The following LRRC4C variants were observed in gnomAD, a reference collection of about 807,000 sequenced individuals.
The protein encoded by LRRC4C is leucine-rich repeat-containing protein 4C.
In LRRC4C, 5 loss-of-function variants were observed where a neutral mutation model predicts 33.6. The ratio of observed to expected loss-of-function variants is 0.15; its 90% CI spans 0.08 to 0.31. The LOEUF (loss-of-function observed/expected upper bound fraction) is 0.31. Among genes scored for constraint, LRRC4C ranks in the 10% least tolerant of loss-of-function variants. The pLI is 1.00. For synonymous variants in LRRC4C, 329 were observed against 302.0 expected (o/e 1.09, Z -0.93); for missense variants, 560 against 796.7 (o/e 0.70, Z 3.58).
chr11:40,551,083 A>G (rs916147834), intron 3 of LRRC4C, among the ~76,000 whole-genome samples: 3 of 152,114 alleles, frequency 2.0e-5, no homozygotes, highest in Admixed American at 1.3e-4. Flanking sequence ...CCTTCAATCT[A>G]TCTCAGCCTT....
chr11:40,509,390 A>G (rs550139991), intron 3 of LRRC4C, among the ~76,000 whole-genome samples: 6 of 152,204 alleles, frequency 3.9e-5, no homozygotes, highest in Admixed American at 6.6e-5. Flanking sequence ...TATCTTCTAC[A>G]TGATTCTCTT....
At position 40,249,325 on chromosome 11, in the gene LRRC4C, G is replaced by A. The variant is rs1276874508; in HGVS notation, c.-175-7727C>T. ...CTGCACTCCAGCCTGGCCAGAGAGT[G>A]AGACTCCATCTCAAAAAAATAAAAA... On this transcript the variant is annotated intron_variant, in intron 4 of 6. Coordinates refer to ENST00000528697, the MANE Select transcript of LRRC4C (RefSeq NM_001258419.2). Among the ~76,000 whole-genome samples the A allele has an allele frequency of 2.6e-5, 4 of 151,986 alleles. No individual in the cohort carries two copies. The South Asian group carries it at 8.3e-4, about 31-fold the overall frequency.
At chr11:40,341,716 C>A (rs1946876553) in intron 3 of LRRC4C, among the ~76,000 whole-genome samples, 1 of 152,136 alleles carries the variant, frequency 6.6e-6, no homozygotes, top group Non-Finnish European at 1.5e-5. Context: ...ATATTAATTT[C>A]TTTGTCTTCT....
chr11:40,372,827 A>G (rs1948507891), intron 3 of LRRC4C, among the ~76,000 whole-genome samples: 2 of 152,152 alleles, frequency 1.3e-5, no homozygotes, highest in South Asian at 4.2e-4. Flanking sequence ...CACATGGTGG[A>G]ATTGAATATC....
At chr11:41,344,369 C>T (rs2922041) in intron 1 of LRRC4C, among the ~76,000 whole-genome samples, 63,436 of 151,484 alleles carry the variant, frequency 0.42, 14,011 homozygotes, top group Non-Finnish European at 0.49. Flanking sequence ...TACAGGCGCC[C>T]GCCACCACGC....
chr11:41,068,080 A>T (rs956316218), intron 1 of LRRC4C, among the ~76,000 whole-genome samples: 2 of 152,162 alleles, frequency 1.3e-5, no homozygotes, highest in Non-Finnish European at 1.5e-5. Context: ...AAGGAGAAAG[A>T]GATATGAAAA....
chr11:41,327,553 G>T (rs1951160079), intron 1 of LRRC4C, among the ~76,000 whole-genome samples: 1 of 152,076 alleles, frequency 6.6e-6, no homozygotes, highest in Non-Finnish European at 1.5e-5. Flanking sequence ...CAAATTATTT[G>T]CTATGCCTCA....
At chr11:40,166,812 T>A (rs1025605193) in intron 5 of LRRC4C, among the ~76,000 whole-genome samples, 1 of 151,992 alleles carries the variant, frequency 6.6e-6, no homozygotes, top group Non-Finnish European at 1.5e-5. Context: ...AATATTGGAG[T>A]GCATTATATA....
intron 2 of LRRC4C, among the ~76,000 whole-genome samples, chr11:40,727,068 G>A (rs991397962): frequency 6.6e-6 from 1 of 152,110 alleles, no homozygotes; most frequent in Admixed American, 6.6e-5. Context: ...TCTACAAGGA[G>A]AACTAGAAAA....
intron 1 of LRRC4C, among the ~76,000 whole-genome samples, chr11:41,253,177 C>T (rs772044579): frequency 9.2e-5 from 14 of 151,978 alleles, no homozygotes; most frequent in Admixed American, 7.2e-4. Context: ...ATTCATTGCC[C>T]CTACTTTTGG....
At chr11:41,240,235 T>C (rs955116209) in intron 1 of LRRC4C, among the ~76,000 whole-genome samples, 5 of 152,206 alleles carry the variant, frequency 3.3e-5, no homozygotes, top group African/African-American at 1.2e-4. Flanking sequence ...TCCAGTTGCC[T>C]GAAGGATGTC....
chr11:40,287,606 T>C (rs533570435), intron 4 of LRRC4C, among the ~76,000 whole-genome samples: 3 of 152,322 alleles, frequency 2.0e-5, no homozygotes, highest in Middle Eastern at 6.8e-3. Flanking sequence ...AAATTAATAT[T>C]TCTCCACAAA....
At chr11:41,267,431 T>A (rs946658446) in intron 1 of LRRC4C, among the ~76,000 whole-genome samples, 4 of 152,142 alleles carry the variant, frequency 2.6e-5, no homozygotes, top group Non-Finnish European at 4.4e-5. Context: ...AACCTGCGTT[T>A]GTTCATCTAA....
intron 2 of LRRC4C, among the ~76,000 whole-genome samples, chr11:40,786,505 G>A (rs77014642): frequency 3.2e-4 from 49 of 152,266 alleles, no homozygotes; most frequent in Middle Eastern, 3.4e-3. Flanking sequence ...CAGCCAATGT[G>A]TAGAAGTCTA....
rs955705241 is a variant in LRRC4C, at chr11:40,895,689, T to G, written c.-407+37946A>C. ...AATATTTTATTCTTTTTCTCTGTTT[T>G]GTGAAAGTGAAATTCATTTGGCCAC... On this transcript the variant is annotated intron_variant, in intron 2 of 6. Coordinates refer to ENST00000528697, the MANE Select transcript of LRRC4C (RefSeq NM_001258419.2). Among the ~76,000 whole-genome samples, 3 of 152,234 alleles carry G rather than the reference T, an allele frequency of 2.0e-5. No individual in the cohort carries two copies. The South Asian group carries it at 6.2e-4, about 31-fold the overall frequency.
At chr11:40,338,458 A>G (rs572280814) in intron 3 of LRRC4C, among the ~76,000 whole-genome samples, 5 of 152,312 alleles carry the variant, frequency 3.3e-5, no homozygotes, top group African/African-American at 1.2e-4. Flanking sequence ...AGGATATTTC[A>G]AAGGACTAAA....
chr11:41,086,877 T>C (rs1031824047), intron 1 of LRRC4C, among the ~76,000 whole-genome samples: 1 of 150,988 alleles, frequency 6.6e-6, no homozygotes, highest in Non-Finnish European at 1.5e-5. Flanking sequence ...TGCAGGGAAA[T>C]AGATATGAGT....
intron 1 of LRRC4C, among the ~76,000 whole-genome samples, chr11:40,947,236 T>A (rs565738025): frequency 6.6e-6 from 1 of 152,306 alleles, no homozygotes; most frequent in African/African-American, 2.4e-5. Context: ...AGAAAAATAT[T>A]TGATTCCCAA....
chr11:41,124,757 T>C (rs1194196652), intron 1 of LRRC4C, among the ~76,000 whole-genome samples: 1 of 152,190 alleles, frequency 6.6e-6, no homozygotes, highest in Non-Finnish European at 1.5e-5. Context: ...TTCAAGAATA[T>C]GGGAAGCAAA....
Sources: gnomAD v4.1 joint callset for allele counts (sites outside exome capture counted in the v4.1 genomes callset) on GRCh38, gnomAD v4.1.1 for gene constraint, MANE v1.5 for transcripts, NCBI Gene and HGNC (gene_info 2026-07-23, HGNC 2026-07-21) for gene names.